Variants in MAMDC2 observed in about 807,000 individuals in gnomAD.
MAMDC2 encodes the protein MAM domain-containing protein 2.
Under a neutral mutation model 89.8 loss-of-function variants are expected in MAMDC2, and 57 were observed. That is an observed-to-expected ratio of 0.63 (90% confidence interval 0.51 to 0.79). The LOEUF is 0.79. Among genes scored for constraint, MAMDC2 ranks in the 30% least tolerant of loss-of-function variants. MAMDC2 has a pLI of 0.00. For synonymous variants in MAMDC2, 313 were observed against 293.4 expected, an observed-to-expected ratio of 1.07 and a Z score of -0.68; for missense variants, 800 against 820.6, an observed-to-expected ratio of 0.97 and a Z score of 0.31.
chr9:70,199,322 T>C (rs2033047693), intron 11 of MAMDC2, among the ~76,000 whole-genome samples: 2 of 146,422 alleles, frequency 1.4e-5, no homozygotes, highest in Non-Finnish European at 3.0e-5. Context: ...GATCTTGCGA[T>C]AGTTTACTGA....
At position 70,147,416 on chromosome 9, in the gene MAMDC2, C is replaced by T. The variant is rs187650406; in HGVS notation, c.1404+3597C>T. The stretch of plus-strand genomic sequence containing the variant: ...TAACCTTAGCTGTGTTGGCTGACTC[C>T]CTACTATGAAAGAGAAGGAACTTAT... On this transcript the variant is annotated intron_variant, in intron 9 of 13. Transcript: ENST00000377182. Among the ~76,000 whole-genome samples, 435 of 150,108 alleles carry T rather than the reference C, an allele frequency of 2.9e-3. 19 individuals are homozygous for T. Among genetic ancestry groups the T allele is most frequent in the South Asian group, 8.2e-3 (38 of 4,654 alleles).
chr9:70,215,612 C>G (rs149736677), intron 11 of MAMDC2, among the ~76,000 whole-genome samples: 13 of 152,348 alleles, frequency 8.5e-5, no homozygotes, highest in African/African-American at 3.1e-4. Flanking sequence ...TTGATTTCTA[C>G]TTGTTCACTG....
At chr9:70,200,844 G>C (rs1398173474) in intron 11 of MAMDC2, among the ~76,000 whole-genome samples, 10 of 148,656 alleles carry the variant, frequency 6.7e-5, no homozygotes, top group East Asian at 4.0e-4. Context: ...CATGATTTGG[G>C]TCTCTGTTTG....
rs376898266 is a variant in MAMDC2 at position 70,168,695 on chromosome 9, A to G, written c.1405-7A>G. 6.2e-7 allele frequency: 1 copy of G among 1,611,656 alleles called. No individual in the cohort carries two copies. Among genetic ancestry groups the G allele is most frequent in the Non-Finnish European group, 8.5e-7 (1 of 1,178,048 alleles). ...AGAATTCATAGCTTTATTTTTATGA[A>G]TTTCAGGTGGTTTTCATGAGCCTAT... On this transcript the variant is annotated splice_polypyrimidine_tract_variant and splice_region_variant and intron_variant, in intron 9 of 13. Coordinates refer to ENST00000377182, the MANE Select transcript of MAMDC2 (RefSeq NM_153267.5).
chr9:70,049,493 A>G (rs57473056), intron 2 of MAMDC2, among the ~76,000 whole-genome samples: 2,360 of 152,224 alleles, frequency 0.016, 67 homozygotes, highest in African/African-American at 0.054. Flanking sequence ...CCTGCAGACT[A>G]CAGCTCCTTT....
At chr9:70,150,089 C>CGTGTGCTGG (rs2031536666) in intron 9 of MAMDC2, among the ~76,000 whole-genome samples, 2 of 152,160 alleles carry the variant, frequency 1.3e-5, no homozygotes, top group African/African-American at 4.8e-5. Flanking sequence ...CAGTAGTCCT[C>CGTGTGCTGG]ATGTGTACCC....
At position 70,140,110 on chromosome 9, in the gene MAMDC2, G is replaced by A. The variant is rs745679124; in HGVS notation, c.995-35G>A. On this transcript the variant is annotated intron_variant, in intron 7 of 13. Coordinates refer to ENST00000377182, the MANE Select transcript of MAMDC2 (RefSeq NM_153267.5). Reference sequence around the variant, plus strand: ...GTTGATGTAGTCCTTTGAGATCTTTGGGACTGTCATTAACTTTGCTTGTCC... The same window carrying A: ...GTTGATGTAGTCCTTTGAGATCTTTAGGACTGTCATTAACTTTGCTTGTCC... 17 of 1,522,158 alleles carry A rather than the reference G, an allele frequency of 1.1e-5. No homozygotes were observed. The South Asian group carries it at 2.1e-4, about 18-fold the overall frequency. The allele number at this position is 1,522,158 out of a possible 1,614,324, so 94.3% of individuals were successfully genotyped here. A position where few individuals can be genotyped will look rare whatever the true frequency, so the allele number is the denominator to read the frequency against.
chr9:70,081,190 G>T (rs1169284034), intron 2 of MAMDC2, among the ~76,000 whole-genome samples: 1 of 152,128 alleles, frequency 6.6e-6, no homozygotes, highest in African/African-American at 2.4e-5. Flanking sequence ...CCAGGAGTAA[G>T]ATTTAATTTG....
At chr9:70,178,830 T>C (rs1335509745) in intron 11 of MAMDC2, among the ~76,000 whole-genome samples, 3 of 151,940 alleles carry the variant, frequency 2.0e-5, no homozygotes, top group Non-Finnish European at 4.4e-5. Context: ...GGTATCTGAG[T>C]GTGAGTTCAT....
intron 8 of MAMDC2, among the ~76,000 whole-genome samples, chr9:70,141,868 T>C (rs1379686422): frequency 6.6e-6 from 1 of 152,120 alleles, no homozygotes; most frequent in East Asian, 1.9e-4. Flanking sequence ...TTTGTACAGA[T>C]CCATTTTGGT....
At chr9:70,085,539 CTT>C (rs1315276933) in intron 2 of MAMDC2, among the ~76,000 whole-genome samples, 1 of 152,086 alleles carries the variant, frequency 6.6e-6, no homozygotes, top group East Asian at 1.9e-4. Flanking sequence ...GCCCTCCTGA[CTT>C]TGTCTAATCC....
chr9:70,112,965 C>T, intron 4 of MAMDC2, 30 bp from the exon 5 acceptor site: 1 of 1,613,646 alleles, frequency 6.2e-7, no homozygotes, highest in Non-Finnish European at 8.5e-7. Context: ...GACTGTGTCT[C>T]CATGAAGTGT....
chr9:70,171,944 G>A (rs2032363554), intron 11 of MAMDC2: 1 of 151,934 alleles, frequency 6.6e-6, no homozygotes, highest in Admixed American at 6.6e-5. Flanking sequence ...CTGCAGTTTG[G>A]ACAAGCTTGA....
chr9:70,083,749 C>G (rs1483602060), intron 2 of MAMDC2: 1 of 148,628 alleles, frequency 6.7e-6, no homozygotes, highest in Non-Finnish European at 1.5e-5. Flanking sequence ...TCCAGCCTAT[C>G]AGGGGCCCAA....
chr9:70,118,690 G>A (rs866145862), intron 5 of MAMDC2, among the ~76,000 whole-genome samples: 7 of 152,112 alleles, frequency 4.6e-5, no homozygotes, highest in Non-Finnish European at 7.3e-5. Context: ...TTCATATACC[G>A]GACGCAGCTT....
At chr9:70,156,680 G>A (rs1272841228) in intron 9 of MAMDC2, among the ~76,000 whole-genome samples, 2 of 152,216 alleles carry the variant, frequency 1.3e-5, no homozygotes, top group Non-Finnish European at 2.9e-5. Context: ...AGTGGAATAA[G>A]TTTTCATGTC....
intron 5 of MAMDC2, among the ~76,000 whole-genome samples, chr9:70,116,870 C>T (rs1033981937): frequency 6.6e-6 from 1 of 152,106 alleles, no homozygotes; most frequent in Non-Finnish European, 1.5e-5. Flanking sequence ...AAGTACTTGC[C>T]TCTCTTCCCT....
At chr9:70,167,989 C>G (rs1380368506) in intron 9 of MAMDC2, among the ~76,000 whole-genome samples, 2 of 152,114 alleles carry the variant, frequency 1.3e-5, no homozygotes, top group Non-Finnish European at 2.9e-5. Context: ...AGTGTTTGTA[C>G]TGGAAATGTT....
intron 11 of MAMDC2, among the ~76,000 whole-genome samples, chr9:70,191,642 C>T (rs1168498735): frequency 6.6e-6 from 1 of 152,062 alleles, no homozygotes; most frequent in African/African-American, 2.4e-5. Context: ...AGCAAGTCAC[C>T]TCAGTCCAAT....
Sources: allele counts gnomAD v4.1 joint callset (sites outside exome capture counted in the v4.1 genomes callset), GRCh38; gene constraint gnomAD v4.1.1; transcripts MANE v1.5; gene names NCBI Gene and HGNC (gene_info 2026-07-23, HGNC 2026-07-21).